Variants in SNX29 observed in about 807,000 individuals in gnomAD.
The protein encoded by SNX29 is sorting nexin 29, also known as sorting nexin-29.
Under a neutral mutation model 102.1 loss-of-function variants are expected in SNX29, and 78 were observed. The ratio of observed to expected loss-of-function variants is 0.76; its 90% CI spans 0.64 to 0.92. The LOEUF (loss-of-function observed/expected upper bound fraction) is 0.92. SNX29 is among the 40% of genes least tolerant of loss of function. The pLI, the probability that SNX29 is intolerant of heterozygous loss-of-function variation, is 0.00. For synonymous variants in SNX29, 580 were observed against 414.5 expected (o/e 1.40, Z -4.85); for missense variants, 1,280 against 1,061.7 (o/e 1.21, Z -2.86).
At chr16:12,473,702 G>T (rs1050683197) in intron 18 of SNX29, among the ~76,000 whole-genome samples, 3 of 152,182 alleles carry the variant, frequency 2.0e-5, no homozygotes, top group African/African-American at 7.2e-5. Context: ...GATTAAACAG[G>T]TTGCAGTAAA....
In SNX29 at chr16:12,444,519, T is replaced by C. The variant is rs117675675; in HGVS notation, c.2038-33200T>C. On this transcript the variant is annotated intron_variant, in intron 18 of 20. Coordinates refer to ENST00000566228, the MANE Select transcript of SNX29 (RefSeq NM_032167.5). ...CCCAGATCCTGGTACATAGTAGATG[T>C]TGACTTTTCTTCTTTGCCTGAGCTG... 2.8e-4 allele frequency among the ~76,000 whole-genome samples: 42 copies of C among 152,384 alleles called. No individual in the cohort carries two copies. In the East Asian group the frequency reaches 7.3e-3, roughly 27 times the overall value.
intron 16 of SNX29, among the ~76,000 whole-genome samples, chr16:12,388,159 T>C (rs528666525): frequency 5.3e-5 from 8 of 152,296 alleles, no homozygotes; most frequent in African/African-American, 1.9e-4. Flanking sequence ...TGAGCCCGAA[T>C]TCTTTTTCCG....
At chr16:11,994,440 C>T (rs944367776) in intron 1 of SNX29, among the ~76,000 whole-genome samples, 3 of 152,182 alleles carry the variant, frequency 2.0e-5, no homozygotes, top group African/African-American at 7.2e-5. Flanking sequence ...GCTGAATTTG[C>T]ACTGGGCCAC....
At chr16:12,552,789 C>T (rs1334304136) in intron 20 of SNX29, among the ~76,000 whole-genome samples, 2 of 152,130 alleles carry the variant, frequency 1.3e-5, no homozygotes, top group East Asian at 1.9e-4. Flanking sequence ...TCTGGGCTTT[C>T]AGTCATCCTG....
intron 18 of SNX29, among the ~76,000 whole-genome samples, chr16:12,438,081 T>C (rs544788833): frequency 2.6e-5 from 4 of 152,088 alleles, no homozygotes; most frequent in South Asian, 4.2e-4. Context: ...TGTTGACCTT[T>C]CCAAGCAGCC....
intron 15 of SNX29, among the ~76,000 whole-genome samples, chr16:12,316,773 G>A (rs2080759558): frequency 6.6e-6 from 1 of 152,136 alleles, no homozygotes; most frequent in African/African-American, 2.4e-5. Context: ...TTCCCTCCTG[G>A]CTCTTTCTGC....
intron 16 of SNX29, among the ~76,000 whole-genome samples, chr16:12,367,978 C>T (rs541965637): frequency 1.3e-5 from 2 of 152,250 alleles, no homozygotes; most frequent in South Asian, 4.1e-4. Context: ...AAAAGCATCT[C>T]TTTGGGCCTA....
intron 15 of SNX29, among the ~76,000 whole-genome samples, chr16:12,337,422 G>C (rs541589201): frequency 6.6e-6 from 1 of 152,062 alleles, no homozygotes; most frequent in Non-Finnish European, 1.5e-5. Flanking sequence ...GTTCACCACA[G>C]CCTCGACCTC....
intron 18 of SNX29, among the ~76,000 whole-genome samples, chr16:12,427,830 C>T (rs980536766): frequency 6.6e-6 from 1 of 152,204 alleles, no homozygotes; most frequent in Non-Finnish European, 1.5e-5. Flanking sequence ...TGGGAAGATG[C>T]CAGCTGACTT....
At chr16:12,217,979 G>A (rs2077369617) in intron 14 of SNX29, among the ~76,000 whole-genome samples, 1 of 152,196 alleles carries the variant, frequency 6.6e-6, no homozygotes, top group African/African-American at 2.4e-5. Context: ...GGTTTCCCAT[G>A]ACTTGTTATC....
intron 19 of SNX29, among the ~76,000 whole-genome samples, chr16:12,523,241 C>A (rs1029226978): frequency 1.3e-5 from 2 of 152,184 alleles, no homozygotes; most frequent in Non-Finnish European, 2.9e-5. Context: ...GAGACGAGTG[C>A]CCCACCTGAT....
intron 18 of SNX29, among the ~76,000 whole-genome samples, chr16:12,474,460 CGGG>C (rs1234936454): frequency 6.6e-6 from 1 of 151,882 alleles, no homozygotes; most frequent in Non-Finnish European, 1.5e-5. Context: ...ATGTGTGTTC[CGGG>C]GAGAGGCAGG....
chr16:12,072,081 G>A (rs911504662), intron 10 of SNX29, among the ~76,000 whole-genome samples: 2 of 152,138 alleles, frequency 1.3e-5, no homozygotes, highest in African/African-American at 2.4e-5. Context: ...AGACAATGGG[G>A]TTTTCTAGAT....
intron 18 of SNX29, among the ~76,000 whole-genome samples, chr16:12,474,512 G>A (rs745992827): frequency 2.6e-5 from 4 of 152,198 alleles, no homozygotes; most frequent in Non-Finnish European, 5.9e-5. Flanking sequence ...GGAAGGTGGA[G>A]AGAGAGCAGT....
intron 20 of SNX29, chr16:12,560,932 G>A (rs575625780): frequency 2.9e-5 from 6 of 206,336 alleles, no homozygotes; most frequent in East Asian, 2.2e-4. Flanking sequence ...ACCTCGTGGT[G>A]TTGGGATCCG....
chr16:12,186,287 AAAAG>A (rs2076507819), intron 13 of SNX29, among the ~76,000 whole-genome samples: 1 of 152,176 alleles, frequency 6.6e-6, no homozygotes, highest in Non-Finnish European at 1.5e-5. Context: ...CAGGGACAAA[AAAAG>A]AACTCCCATG....
intron 13 of SNX29, among the ~76,000 whole-genome samples, chr16:12,173,219 A>C (rs1007162656): frequency 1.3e-5 from 2 of 152,342 alleles, no homozygotes; most frequent in South Asian, 4.1e-4. Context: ...CTATTAGATA[A>C]AAGTGGGTTC....
At chr16:12,152,876 A>G (rs566505902) in intron 13 of SNX29, among the ~76,000 whole-genome samples, 2 of 152,356 alleles carry the variant, frequency 1.3e-5, no homozygotes, top group African/African-American at 4.8e-5. Flanking sequence ...TTGTGTTCTC[A>G]GTTCACAAGA....
chr16:12,547,289 A>C lies in SNX29; in HGVS notation c.2319-21217A>C, dbSNP rs145287603. On this transcript the variant is annotated intron_variant, in intron 20 of 20. Transcript: ENST00000566228. Reference sequence around the variant, plus strand: ...GCCTTGAAGAGTTGGCCCCTGGGAGAAACAGCAAGGAAGCCAGGGTAGCCC... The same window carrying C: ...GCCTTGAAGAGTTGGCCCCTGGGAGCAACAGCAAGGAAGCCAGGGTAGCCC... Among the ~76,000 whole-genome samples, 919 of 152,292 alleles carry C rather than the reference A, an allele frequency of 6.0e-3. 2 individuals are homozygous for C. Among genetic ancestry groups the C allele is most frequent in the Middle Eastern group, 0.014 (4 of 294 alleles).
Sources: gnomAD v4.1 joint callset for allele counts (sites outside exome capture counted in the v4.1 genomes callset) on GRCh38, gnomAD v4.1.1 for gene constraint, MANE v1.5 for transcripts, NCBI Gene and HGNC (gene_info 2026-07-23, HGNC 2026-07-21) for gene names.